Variants in ANK1 observed in about 807,000 individuals in gnomAD.
ANK1 encodes the protein ankyrin 1, also known as ankyrin-1.
ANK1 carries 51 observed loss-of-function variants against 210.4 expected under a neutral mutation model. The ratio of observed to expected loss-of-function variants is 0.24; its 90% CI spans 0.19 to 0.31. The LOEUF is 0.31. Among genes scored for constraint, ANK1 ranks in the 10% least tolerant of loss-of-function variants. The pLI is 1.00. For synonymous variants in ANK1, 967 were observed against 1,025.9 expected, an observed-to-expected ratio of 0.94 and a Z score of 1.10; for missense variants, 2,051 against 2,504.4, an observed-to-expected ratio of 0.82 and a Z score of 3.86.
At chr8:41,656,110 T>G (rs1439885219) in intron 42 of ANK1, among the ~76,000 whole-genome samples, 2 of 152,266 alleles carry the variant, frequency 1.3e-5, no homozygotes, top group Non-Finnish European at 2.9e-5. Flanking sequence ...CGTGGTCACC[T>G]GGGGAGACAT....
At chr8:41,837,961 C>T (rs1808094971) in intron 1 of ANK1, among the ~76,000 whole-genome samples, 1 of 152,156 alleles carries the variant, frequency 6.6e-6, no homozygotes, top group African/African-American at 2.4e-5. Context: ...CAGGCTCTGG[C>T]CACCTGAGTT....
At chr8:41,725,306 AC>A (rs988133965) in intron 6 of ANK1, among the ~76,000 whole-genome samples, 1 of 152,230 alleles carries the variant, frequency 6.6e-6, no homozygotes, top group African/African-American at 2.4e-5. Context: ...CAGCCTACAG[AC>A]AGCAGATCAG....
At chr8:41,777,940 C>T (rs941814050) in intron 1 of ANK1, among the ~76,000 whole-genome samples, 1 of 152,118 alleles carries the variant, frequency 6.6e-6, no homozygotes, top group African/African-American at 2.4e-5. Flanking sequence ...AAATAAGATA[C>T]CAAGATGCCA....
In ANK1 at chr8:41,794,861, C is replaced by T. The variant is rs561143275; in HGVS notation, c.27+2651G>A. ...CTGGGACTACAGGCACACGCCACCA[C>T]GCCTGGCTAATTTTTTTTATTTTTA... On this transcript the variant is annotated intron_variant, in intron 1 of 42. Transcript: ENST00000289734. Among the ~76,000 whole-genome samples, 8 of 152,218 alleles carry T rather than the reference C, an allele frequency of 5.3e-5. No individual in the cohort carries two copies. The South Asian group carries it at 1.5e-3, about 28-fold the overall frequency.
At chr8:41,769,493 T>C (rs1407633190) in intron 1 of ANK1, among the ~76,000 whole-genome samples, 1 of 152,148 alleles carries the variant, frequency 6.6e-6, no homozygotes, top group African/African-American at 2.4e-5. Flanking sequence ...GTTCCAACAT[T>C]AATATTTAGA....
At chr8:41,710,198 A>G (rs1825759454) in intron 16 of ANK1, among the ~76,000 whole-genome samples, 1 of 152,174 alleles carries the variant, frequency 6.6e-6, no homozygotes, top group African/African-American at 2.4e-5. Context: ...CCAGGTGGGC[A>G]CCTTTGCTCA....
In ANK1 at chr8:41,802,861, G is replaced by C. The variant is rs185307401; in HGVS notation, c.127-44724C>G. 7.3e-3 allele frequency among the ~76,000 whole-genome samples: 1,043 copies of C among 142,510 alleles called. 7 individuals carry two copies. The highest frequency in any genetic ancestry group is 0.024 in the African/African-American group (940 of 38,534). 93.5% of individuals were successfully genotyped at this position (142,510 alleles called of 152,430 possible). On this transcript the variant is annotated intron_variant, in intron 1 of 42. Transcript: ENST00000265709. ...GGAAGTCATTGAGGCCGCAGTGAGC[G>C]ATGATCATGCCACGGCACTCCAGCC...
chr8:41,677,704 C>T (rs1814636145), intron 37 of ANK1, among the ~76,000 whole-genome samples: 1 of 151,912 alleles, frequency 6.6e-6, no homozygotes, highest in Admixed American at 6.6e-5. Context: ...ATTCTCCTGC[C>T]TCAGCCTTCT....
At chr8:41,848,142 G>A (rs995179051) in intron 1 of ANK1, among the ~76,000 whole-genome samples, 1 of 151,782 alleles carries the variant, frequency 6.6e-6, no homozygotes, top group Admixed American at 6.6e-5. Flanking sequence ...CTGAGATCAT[G>A]CCACTGCACT....
At chr8:41,728,101 C>A in intron 3 of ANK1, 95 bp from the exon 4 acceptor site, 1 of 1,252,502 alleles carries the variant, frequency 8.0e-7, no homozygotes, top group East Asian at 2.4e-5. Context: ...TTGAGGGACC[C>A]GGGGGCTTTC....
At chr8:41,743,130 G>A (rs551580) in intron 2 of ANK1, among the ~76,000 whole-genome samples, 81,922 of 151,926 alleles carry the variant, frequency 0.54, 23,320 homozygotes, top group East Asian at 0.79. Context: ...AATATATTAC[G>A]TTTGCAGGTC....
intron 1 of ANK1, among the ~76,000 whole-genome samples, chr8:41,883,967 C>T (rs1818020754): frequency 6.6e-6 from 1 of 152,222 alleles, no homozygotes; most frequent in South Asian, 2.1e-4. Flanking sequence ...GCTCCAACAA[C>T]TCAGATTGTT....
intron 1 of ANK1, among the ~76,000 whole-genome samples, chr8:41,814,876 T>A (rs1167563943): frequency 6.6e-6 from 1 of 152,176 alleles, no homozygotes; most frequent in Non-Finnish European, 1.5e-5. Flanking sequence ...TAAACATCAT[T>A]TCCTACTTGA....
rs372974429 is a variant in ANK1 at position 41,694,815 on chromosome 8, C to T, written c.3116-12G>A. On this transcript the variant is annotated splice_polypyrimidine_tract_variant and intron_variant, in intron 27 of 42. Coordinates refer to ENST00000289734, the MANE Select transcript of ANK1 (RefSeq NM_000037.4). This position sits in a 1 kb window ranked among gnomAD's most constrained non-coding sequence, Gnocchi z 5.7. The stretch of plus-strand genomic sequence containing the variant: ...CAGGCTCCCCAGCTCTGGAATCACA[C>T]ACACAGGCCACCACCCCGGTCACAT... 17 of 1,613,422 alleles carry T rather than the reference C, an allele frequency of 1.1e-5. No homozygotes were observed. Among genetic ancestry groups the T allele is most frequent in the African/African-American group, 4.0e-5 (3 of 74,914 alleles).
chr8:41,688,569 C>T lies in ANK1; in HGVS notation c.4125G>A (p.Arg1375=), dbSNP rs759203962. The stretch of plus-strand genomic sequence containing the variant: ...GGGCCAGGGGCGTCGGGGTCCTTCT[C>T]CTATCTTCGGCTCCACTTCCCTGCA... ...PCAKGSGAED[R]RRTPTPLALR... The change falls in exon 34 of 43, where the codon AGG becomes AGA. Residue 1375 remains arginine, a synonymous_variant. Coordinates refer to ENST00000289734, the MANE Select transcript of ANK1 (RefSeq NM_000037.4). 1.1e-5 allele frequency: 18 copies of T among 1,614,038 alleles called. No homozygotes were observed. The highest frequency in any genetic ancestry group is 1.4e-5 in the Non-Finnish European group (17 of 1,180,040).
At chr8:41,852,712 G>T (rs192615874) in intron 1 of ANK1, among the ~76,000 whole-genome samples, 3 of 152,232 alleles carry the variant, frequency 2.0e-5, no homozygotes, top group Non-Finnish European at 4.4e-5. Flanking sequence ...ACCACGGTCC[G>T]ATGATTTATC....
chr8:41,746,467 T>C (rs1222814233), intron 2 of ANK1, among the ~76,000 whole-genome samples: 1 of 152,222 alleles, frequency 6.6e-6, no homozygotes, highest in Non-Finnish European at 1.5e-5. Flanking sequence ...GCATTTTCTC[T>C]GTTTGCTTTG....
At chr8:41,686,364 C>T in intron 35 of ANK1, 81 bp from the exon 36 acceptor site, 3 of 1,593,268 alleles carry the variant, frequency 1.9e-6, no homozygotes, top group Non-Finnish European at 2.6e-6. Context: ...GCTGGGTGGG[C>T]ACTGGGGCGT....
intron 2 of ANK1, among the ~76,000 whole-genome samples, chr8:41,741,271 C>CG (rs1375920129): frequency 1.3e-5 from 2 of 152,182 alleles, no homozygotes; most frequent in Non-Finnish European, 2.9e-5. Flanking sequence ...TTCCTCCCTC[C>CG]ACCCCTGCCT....
Sources: allele counts gnomAD v4.1 joint callset (sites outside exome capture counted in the v4.1 genomes callset), GRCh38; gene constraint gnomAD v4.1.1; non-coding constraint Gnocchi (gnomAD v3.1); transcripts MANE v1.5; gene names NCBI Gene and HGNC (gene_info 2026-07-23, HGNC 2026-07-21).